INTS3: variants seen among roughly 807,000 people sequenced by gnomAD.
The protein encoded by INTS3 is integrator complex subunit 3.
Under a neutral mutation model 146.3 loss-of-function variants are expected in INTS3, and 34 were observed. The ratio of observed to expected loss-of-function variants is 0.23; its 90% CI spans 0.18 to 0.31. The LOEUF is 0.31. INTS3 is among the 10% of genes least tolerant of loss of function. The probability of loss-of-function intolerance (pLI) is 1.00; values close to 1 mark genes in which losing one functional copy is unlikely to be tolerated. For synonymous variants in INTS3, 475 were observed against 494.9 expected (o/e 0.96, Z 0.53); for missense variants, 757 against 1,304.2 (o/e 0.58, Z 6.46).
intron 1 of INTS3, 22 bp downstream of exon 1, chr1:153,728,806 G>T (rs1388332653): frequency 1.4e-6 from 2 of 1,379,428 alleles, no homozygotes; most frequent in Admixed American, 2.0e-5. Flanking sequence ...GGGAGGGAAG[G>T]GAGTTAAGAA....
intron 15 of INTS3, 137 bp downstream of exon 15, chr1:153,762,984 G>A: frequency 8.3e-7 from 1 of 1,205,234 alleles, no homozygotes; most frequent in Non-Finnish European, 1.2e-6. Flanking sequence ...ATCTGGATGA[G>A]ACTCCAGAAT....
intron 1 of INTS3, among the ~76,000 whole-genome samples, 193 bp from the exon 2 acceptor site, chr1:153,740,458 G>A (rs1671486450): frequency 6.6e-6 from 1 of 152,162 alleles, no homozygotes; most frequent in African/African-American, 2.4e-5. Flanking sequence ...ATGTGTTAAA[G>A]AAATCAGGTC....
Position 153,769,807 on chromosome 1 carries a change from G to A in INTS3, c.2352G>A (p.Leu784=). Residue 784 remains leucine (L), a synonymous_variant, in exon 23 of 30, where the codon CTG becomes CTA. Coordinates refer to ENST00000318967, the MANE Select transcript of INTS3 (RefSeq NM_023015.5). ...TCTGCCACGTGATGATGGGTAACCT[G>A]GTTATGTTTCGAAAAGACTCAGTTC... ...ELVCHVMMGN[L]VMFRKDSVLN... is the part of the protein sequence containing the mutation. 1.2e-6 allele frequency: 2 copies of A among 1,613,708 alleles called. No homozygotes were observed. Among genetic ancestry groups the A allele is most frequent in the Non-Finnish European group, 1.7e-6 (2 of 1,179,764 alleles).
chr1:153,740,625 G>A, intron 1 of INTS3, 26 bp from the exon 2 acceptor site: 1 of 1,575,268 alleles, frequency 6.3e-7, no homozygotes, highest in Non-Finnish European at 8.7e-7. Flanking sequence ...ATGACACACT[G>A]TTCATTTTTT....
chr1:153,736,443 C>T (rs1671294955), intron 1 of INTS3, among the ~76,000 whole-genome samples: 1 of 138,760 alleles, frequency 7.2e-6, no homozygotes, highest in South Asian at 2.4e-4. Context: ...GCATGATTGT[C>T]TTTTATCCTT....
chr1:153,772,390 TGGAGCACTTG>T lies in INTS3; in HGVS notation c.2773_2782del (p.Glu925ThrfsTer7). 1 of 1,614,124 alleles carries T rather than the reference TGGAGCACTTG, an allele frequency of 6.2e-7. No homozygotes were observed. Among genetic ancestry groups the T allele is most frequent in the Non-Finnish European group, 8.5e-7 (1 of 1,180,030 alleles). On this transcript the variant is annotated frameshift_variant, in exon 27 of 30. Transcript: ENST00000318967. LOFTEE classifies it high-confidence loss of function. This position sits in a 1 kb window ranked among gnomAD's most constrained non-coding sequence, Gnocchi z 4.6. ...GCCCAGCTGACTCTGGAGCAGATCCTGGAGCACTTGGACAATCTGCGGCTCAACCTGACCA... is the reference window on the plus strand; with the variant it reads ...GCCCAGCTGACTCTGGAGCAGATCCTGACAATCTGCGGCTCAACCTGACCA...
chr1:153,772,532 C>T lies in INTS3; in HGVS notation c.2821+92C>T, dbSNP rs529370920. The T allele has an allele frequency of 9.3e-6, 15 of 1,611,290 alleles. No homozygotes were observed. The highest frequency in any genetic ancestry group is 2.2e-5 in the East Asian group (1 of 44,754). ...AGGCTGGGGGCAGGGGCAGGACACC[C>T]GGGGCCACAACCCACACTCGGGATA... On this transcript the variant is annotated intron_variant, in intron 27 of 29. Coordinates refer to ENST00000318967, the MANE Select transcript of INTS3 (RefSeq NM_023015.5). This position sits in a 1 kb window ranked among gnomAD's most constrained non-coding sequence, Gnocchi z 4.6.
chr1:153,746,651 T>C (rs1671752616), intron 3 of INTS3, among the ~76,000 whole-genome samples: 1 of 151,822 alleles, frequency 6.6e-6, no homozygotes, highest in East Asian at 2.0e-4. Context: ...TCCACCCGCC[T>C]TGGCCTCCCA....
intron 14 of INTS3, 48 bp from the exon 15 acceptor site, chr1:153,762,680 A>G: frequency 6.2e-7 from 1 of 1,609,082 alleles, no homozygotes; most frequent in Non-Finnish European, 8.5e-7. Context: ...GGGGCATGTT[A>G]GAGGACCCAG....
At chr1:153,771,321 G>C (rs1672855947) in intron 25 of INTS3, among the ~76,000 whole-genome samples, 1 of 152,196 alleles carries the variant, frequency 6.6e-6, no homozygotes, top group Admixed American at 6.5e-5. Context: ...TCTCTTGCCT[G>C]AGAGACTATA....
Position 153,772,508 on chromosome 1 carries a change from G to C in INTS3, c.2821+68G>C. 1.2e-6 allele frequency: 2 copies of C among 1,613,438 alleles called. No homozygotes were observed. The highest frequency in any genetic ancestry group is 4.5e-5 in the East Asian group (2 of 44,864). On this transcript the variant is annotated intron_variant, in intron 27 of 29. Coordinates refer to ENST00000318967, the MANE Select transcript of INTS3 (RefSeq NM_023015.5). The surrounding 1 kb of genome is among the most constrained non-coding windows in gnomAD (Gnocchi z 4.6). ...CTGGCCCAGACTATGCCTGGAGCCA[G>C]GCTGGGGGCAGGGGCAGGACACCCG...
rs754549319 is a variant in INTS3 at position 153,770,311 on chromosome 1, G to A, written c.2503G>A (p.Glu835Lys). 5 of 1,574,252 alleles carry A rather than the reference G, an allele frequency of 3.2e-6. No homozygotes were observed. The highest frequency in any genetic ancestry group is 2.7e-5 in the African/African-American group (2 of 74,142). Residue 835 changes from glutamate (E) to lysine (K), a missense_variant and splice_region_variant, in exon 24 of 30, where the codon GAG (glutamate) becomes AAG (lysine). This residue lies in a region of INTS3 where 116 missense variants were observed against 226.5 expected (regional missense o/e 0.51). Coordinates refer to ENST00000318967, the MANE Select transcript of INTS3 (RefSeq NM_023015.5). ...IPILQHLKYK[E>K]HPEALSCLLL... Reference sequence around the variant, plus strand: ...CATCCTGCAGCACCTCAAATACAAGGGTGAGTAGGCTTTTGGGTAGGGAGC... The same window carrying A: ...CATCCTGCAGCACCTCAAATACAAGAGTGAGTAGGCTTTTGGGTAGGGAGC...
intron 6 of INTS3, 131 bp from the exon 7 acceptor site, chr1:153,750,964 T>A (rs1671935873): frequency 1.1e-6 from 1 of 893,168 alleles, no homozygotes; most frequent in East Asian, 2.7e-5. Flanking sequence ...AAGCAAAAAA[T>A]CAAAGCATCT....
At chr1:153,736,329 G>C (rs989537038) in intron 1 of INTS3, among the ~76,000 whole-genome samples, 1 of 152,146 alleles carries the variant, frequency 6.6e-6, no homozygotes, top group Non-Finnish European at 1.5e-5. Context: ...AGCTATGGGA[G>C]CTACAAACAC....
chr1:153,753,407 A>G (rs893100692), intron 8 of INTS3, among the ~76,000 whole-genome samples: 1 of 151,766 alleles, frequency 6.6e-6, no homozygotes, highest in African/African-American at 2.4e-5. Flanking sequence ...AAATGCAAAA[A>G]TTAGCTGGGC....
intron 13 of INTS3, 150 bp downstream of exon 13, chr1:153,761,068 T>C: frequency 6.9e-7 from 1 of 1,452,016 alleles, no homozygotes. Flanking sequence ...TATGTCTTCT[T>C]GGCTCTTAGA....
rs749221912 is a variant in INTS3, at chr1:153,757,615, G to A, written c.1001G>A (p.Arg334His). 7.4e-6 allele frequency: 12 copies of A among 1,614,008 alleles called. No homozygotes were observed. Among genetic ancestry groups the A allele is most frequent in the Admixed American group, 1.7e-5 (1 of 60,002 alleles). ...QQKRYQDWFQRQYLSTPDSQS... is the reference protein window; with the variant it reads ...QQKRYQDWFQHQYLSTPDSQS... ...AAGCGATACCAAGATTGGTTCCAGC[G>A]CCAGTACCTGTCAACTCCAGATAGT... The change falls in exon 10 of 30, where the codon CGC (arginine) becomes CAC (histidine). Residue 334 changes from arginine (R) to histidine (H), a missense_variant. By Grantham distance (29) the Arg-to-His change is conservative (BLOSUM62 0). This residue lies in a region of INTS3 where 134 missense variants were observed against 243.1 expected (regional missense o/e 0.55). Transcript: ENST00000318967. The surrounding 1 kb of genome is among the most constrained non-coding windows in gnomAD (Gnocchi z 4.0).
chr1:153,732,632 G>A (rs1164036062), intron 1 of INTS3, among the ~76,000 whole-genome samples: 2 of 151,714 alleles, frequency 1.3e-5, no homozygotes, highest in Non-Finnish European at 2.9e-5. Context: ...ATTTTTAGTA[G>A]AGACGGGGTT....
chr1:153,771,147 C>T (rs12725182), intron 25 of INTS3, among the ~76,000 whole-genome samples: 7,894 of 152,226 alleles, frequency 0.052, 282 homozygotes, highest in Non-Finnish European at 0.076. Context: ...CTGTGCAGAG[C>T]AGAGCCAGCT....
Sources: gnomAD v4.1 joint callset for allele counts (sites outside exome capture counted in the v4.1 genomes callset) on GRCh38, gnomAD v4.1.1 for gene constraint, gnomAD v4.1.1 regional missense constraint, Gnocchi (gnomAD v3.1) non-coding constraint, MANE v1.5 for transcripts, NCBI Gene and HGNC (gene_info 2026-07-23, HGNC 2026-07-21) for gene names.